RNF115: variants seen among roughly 807,000 people sequenced by gnomAD.
RNF115 encodes ring finger protein 115.
Under a neutral mutation model 39.2 loss-of-function variants are expected in RNF115, and 31 were observed. The ratio of observed to expected loss-of-function variants is 0.79; its 90% confidence interval spans 0.59 to 1.07. The LOEUF is 1.07. RNF115 is among the 50% of genes least tolerant of loss of function. The pLI is 0.00. For synonymous variants in RNF115, 124 were observed against 131.0 expected (o/e 0.95, Z 0.37); for missense variants, 384 against 381.7 (o/e 1.01, Z -0.05).
rs1650424836 is a variant in RNF115, at chr1:145,823,729, G to A, written c.102+43C>T. The A allele has an allele frequency of 4.3e-6, 6 of 1,403,624 alleles. No homozygotes were observed. In the East Asian group the frequency reaches 8.2e-5, roughly 19 times the overall value. 86.9% of individuals were successfully genotyped at this position (1,403,624 alleles called of 1,614,324 possible). A position where few individuals can be genotyped will look rare whatever the true frequency, so the allele number is the denominator to read the frequency against. On this transcript the variant is annotated intron_variant, in intron 1 of 8. Transcript: ENST00000582693. ...CCCAGTTCCGGGAAATCGGGGCCAG[G>A]AATCTATGAGGTTCCCAAGTATAGA...
rs1467469258 is a variant in RNF115 at position 145,815,420 on chromosome 1, G to A, written c.102+8352C>T. On this transcript the variant is annotated intron_variant, in intron 1 of 8. Coordinates refer to ENST00000582693, the MANE Select transcript of RNF115 (RefSeq NM_014455.4). ...CACCCTAGTCTCATCAATACCAAAA[G>A]TAGGTTACTCTGCATATGATTTATC... Among the ~76,000 whole-genome samples, 3 of 152,268 alleles carry A rather than the reference G, an allele frequency of 2.0e-5. No homozygotes were observed. In the East Asian group the frequency reaches 5.8e-4, roughly 29 times the overall value.
At chr1:145,750,362 A>G in intron 7 of RNF115, 45 bp downstream of exon 7, 1 of 1,437,194 alleles carries the variant, frequency 7.0e-7, no homozygotes, top group East Asian at 2.3e-5. Context: ...CGGGATTTTG[A>G]ACCGAGATCA....
intron 4 of RNF115, among the ~76,000 whole-genome samples, chr1:145,767,057 G>T (rs587724445): frequency 2.1e-5 from 3 of 142,936 alleles, no homozygotes; most frequent in Non-Finnish European, 3.0e-5. Context: ...GGGGCGGCTG[G>T]CAGGGCAGGG....
chr1:145,821,385 C>T lies in RNF115; in HGVS notation c.102+2387G>A, dbSNP rs587636242. Among the ~76,000 whole-genome samples the T allele has an allele frequency of 5.1e-3, 657 of 129,046 alleles. 148 individuals are homozygous for T. Among genetic ancestry groups the T allele is most frequent in the Admixed American group, 7.6e-3 (94 of 12,312 alleles). 84.7% of individuals were successfully genotyped at this position (129,046 alleles called of 152,430 possible). On this transcript the variant is annotated intron_variant, in intron 1 of 8. Coordinates refer to ENST00000582693, the MANE Select transcript of RNF115 (RefSeq NM_014455.4). Reference sequence around the variant, plus strand: ...ACCTATTCAGCTTTTCAAATTATCCCTTTGAAGTAAGGACTTAAAGGTGAG... The same window carrying T: ...ACCTATTCAGCTTTTCAAATTATCCTTTTGAAGTAAGGACTTAAAGGTGAG...
chr1:145,761,138 G>T (rs1658486649), intron 4 of RNF115, among the ~76,000 whole-genome samples: 1 of 152,194 alleles, frequency 6.6e-6, no homozygotes, highest in South Asian at 2.1e-4. Context: ...TAACTTGGGT[G>T]CTGTTAACCA....
intron 4 of RNF115, among the ~76,000 whole-genome samples, chr1:145,770,095 T>G (rs1647566214): frequency 6.6e-6 from 1 of 152,202 alleles, no homozygotes; most frequent in African/African-American, 2.4e-5. Flanking sequence ...GAAAACCTAC[T>G]TGTTAATAAA....
intron 1 of RNF115, among the ~76,000 whole-genome samples, chr1:145,808,968 A>G (rs746706421): frequency 1.3e-5 from 2 of 152,122 alleles, no homozygotes; most frequent in Non-Finnish European, 2.9e-5. Context: ...CATTAAAGTA[A>G]CTCTGCCTAC....
At chr1:145,750,650 T>G (rs1052885834) in intron 6 of RNF115, 150 bp from the exon 7 acceptor site, 2 of 615,136 alleles carry the variant, frequency 3.3e-6, no homozygotes, top group South Asian at 4.2e-5. Context: ...GGGTTTCCCC[T>G]TTCCTGCTGC....
At chr1:145,819,640 G>T (rs1364704773) in intron 1 of RNF115, among the ~76,000 whole-genome samples, 1 of 151,968 alleles carries the variant, frequency 6.6e-6, no homozygotes, top group Non-Finnish European at 1.5e-5. Flanking sequence ...CCAAAACCTG[G>T]CAAAGACACA....
At chr1:145,796,781 A>G (rs917780910) in intron 1 of RNF115, among the ~76,000 whole-genome samples, 9 of 152,322 alleles carry the variant, frequency 5.9e-5, no homozygotes, top group Non-Finnish European at 1.2e-4. Flanking sequence ...TGCAAAACTG[A>G]AACTCTATAC....
chr1:145,792,267 C>G (rs954486638), intron 1 of RNF115, among the ~76,000 whole-genome samples: 1 of 151,888 alleles, frequency 6.6e-6, no homozygotes. Context: ...TTTTGTTTTA[C>G]CTGAAGATGA....
rs1203268027 is a variant in RNF115 at position 145,741,075 on chromosome 1, T to A, written c.*5791A>T. 6.6e-6 allele frequency: 1 copy of A among 152,198 alleles called. No individual in the cohort carries two copies. Among genetic ancestry groups the A allele is most frequent in the African/African-American group, 2.4e-5 (1 of 41,444 alleles). 9.4% of individuals were successfully genotyped at this position (152,198 alleles called of 1,614,324 possible). ...CTGGTCTCAAACTCCTGACCTCAAGTGATCTGCCTGCCTCAGCCTTCCAAA... is the reference window on the plus strand; with the variant it reads ...CTGGTCTCAAACTCCTGACCTCAAGAGATCTGCCTGCCTCAGCCTTCCAAA... On this transcript the variant is annotated 3_prime_UTR_variant, in exon 9 of 9. Coordinates refer to ENST00000582693, the MANE Select transcript of RNF115 (RefSeq NM_014455.4).
At chr1:145,778,829 G>A (rs746581922) in intron 3 of RNF115, among the ~76,000 whole-genome samples, 26 of 152,158 alleles carry the variant, frequency 1.7e-4, no homozygotes, top group Non-Finnish European at 3.4e-4. Context: ...TAGTGATTTC[G>A]CATTTCTCCA....
At chr1:145,778,820 A>G (rs1647992708) in intron 3 of RNF115, among the ~76,000 whole-genome samples, 1 of 152,214 alleles carries the variant, frequency 6.6e-6, no homozygotes, top group South Asian at 2.1e-4. Flanking sequence ...TCTAATCTCT[A>G]GTGATTTCGC....
At chr1:145,768,172 C>T (rs894552509) in intron 4 of RNF115, among the ~76,000 whole-genome samples, 11 of 152,388 alleles carry the variant, frequency 7.2e-5, no homozygotes, top group African/African-American at 2.6e-4. Context: ...CACTCCTCCA[C>T]TTTCACTCTT....
chr1:145,789,441 C>T (rs1224067070), intron 1 of RNF115, among the ~76,000 whole-genome samples: 5 of 151,082 alleles, frequency 3.3e-5, no homozygotes, highest in Non-Finnish European at 5.9e-5. Flanking sequence ...TTTTGTTGCC[C>T]AGGCTGGAGT....
intron 1 of RNF115, among the ~76,000 whole-genome samples, chr1:145,813,670 C>G (rs1386857133): frequency 6.6e-6 from 1 of 152,112 alleles, no homozygotes; most frequent in Non-Finnish European, 1.5e-5. Flanking sequence ...TCTAAACACT[C>G]TCTCCCATCA....
intron 3 of RNF115, chr1:145,773,677 G>A (rs1647749514): frequency 6.6e-6 from 1 of 152,022 alleles, no homozygotes; most frequent in African/African-American, 2.4e-5. Context: ...CCTGAGCTGT[G>A]CACTTGGCTT....
rs1657697647 is a variant in RNF115 at position 145,741,709 on chromosome 1, G to C, written c.*5157C>G. The C allele has an allele frequency of 6.6e-6, 1 of 152,262 alleles. No individual in the cohort carries two copies. Among genetic ancestry groups the C allele is most frequent in the East Asian group, 1.9e-4 (1 of 5,232 alleles). 9.4% of individuals were successfully genotyped at this position (152,262 alleles called of 1,614,324 possible). A position where few individuals can be genotyped will look rare whatever the true frequency, so the allele number is the denominator to read the frequency against. On this transcript the variant is annotated 3_prime_UTR_variant, in exon 9 of 9. Transcript: ENST00000582693. The stretch of plus-strand genomic sequence containing the variant: ...CCCAGATCTCCAATGGATTATTCTT[G>C]TAAACAGCACTTTTACCTTCCGATC...
Sources: allele counts gnomAD v4.1 joint callset (sites outside exome capture counted in the v4.1 genomes callset), GRCh38; gene constraint gnomAD v4.1.1; transcripts MANE v1.5; gene names NCBI Gene and HGNC (gene_info 2026-07-23, HGNC 2026-07-21).